Variants in MACROD2 observed in about 807,000 individuals in gnomAD.
MACROD2 encodes ADP-ribose glycohydrolase MACROD2.
A neutral mutation model predicts 70.4 loss-of-function variants in MACROD2; 36 were observed. The ratio of observed to expected loss-of-function variants is 0.51; its 90% CI spans 0.39 to 0.68. MACROD2 has a LOEUF of 0.68. MACROD2 is among the 30% of genes least tolerant of loss of function. The pLI is 0.00. For missense variants in MACROD2, 496 were observed against 538.4 expected, an observed-to-expected ratio of 0.92 and a Z score of 0.78; for synonymous variants, 172 against 178.8, an observed-to-expected ratio of 0.96 and a Z score of 0.30.
intron 5 of MACROD2, among the ~76,000 whole-genome samples, chr20:15,083,908 C>T (rs113477566): frequency 2.3e-4 from 35 of 152,054 alleles, no homozygotes; most frequent in African/African-American, 8.2e-4. Flanking sequence ...ATCTTCCTTT[C>T]CCCTGATGTC....
intron 3 of MACROD2, among the ~76,000 whole-genome samples, chr20:14,120,635 A>G (rs913745656): frequency 2.0e-5 from 3 of 151,622 alleles, no homozygotes; most frequent in East Asian, 3.9e-4. Flanking sequence ...ATGACCATCA[A>G]TGATAGACTA....
intron 4 of MACROD2, among the ~76,000 whole-genome samples, chr20:14,668,540 A>G (rs761597857): frequency 6.6e-6 from 1 of 152,182 alleles, no homozygotes; most frequent in African/African-American, 2.4e-5. Flanking sequence ...GGATCCTCCC[A>G]TAGGTTCCAT....
At chr20:15,204,439 T>TGA (rs2076683890) in intron 5 of MACROD2, among the ~76,000 whole-genome samples, 1 of 152,138 alleles carries the variant, frequency 6.6e-6, no homozygotes, top group African/African-American at 2.4e-5. Context: ...GCATCACTTC[T>TGA]TTTTATTATT....
chr20:14,151,914 C>A (rs542528087), intron 3 of MACROD2, among the ~76,000 whole-genome samples: 1 of 149,860 alleles, frequency 6.7e-6, no homozygotes, highest in Non-Finnish European at 1.5e-5. Flanking sequence ...CTCTGCCCCC[C>A]GGGTTCATGC....
Position 14,835,055 on chromosome 20 carries a change from T to C in MACROD2, c.418+150096T>C, listed in dbSNP as rs948206255. On this transcript the variant is annotated intron_variant, in intron 5 of 17. Transcript: ENST00000684519. The stretch of plus-strand genomic sequence containing the variant: ...TGACTCTCCCCTTTATGTGGTATAG[T>C]AGAACTGAATGGAACATGTTTTTAG... Among the ~76,000 whole-genome samples, 12 of 152,082 alleles carry C rather than the reference T, an allele frequency of 7.9e-5. 1 individual carries two copies. The highest frequency in any genetic ancestry group is 2.9e-4 in the African/African-American group (12 of 41,428).
chr20:15,614,588 A>G (rs1261599814), intron 8 of MACROD2, among the ~76,000 whole-genome samples: 4 of 152,178 alleles, frequency 2.6e-5, no homozygotes, highest in African/African-American at 9.6e-5. Context: ...TCTAAATTTT[A>G]ACGTAAATTG....
intron 3 of MACROD2, among the ~76,000 whole-genome samples, chr20:14,276,463 T>A (rs1399277847): frequency 5.6e-5 from 6 of 107,274 alleles, no homozygotes; most frequent in African/African-American, 2.3e-4. Context: ...AACATCACAC[T>A]CTGGGGACTG....
chr20:14,892,706 C>G lies in MACROD2; in HGVS notation c.418+207747C>G, dbSNP rs1395826306. On this transcript the variant is annotated intron_variant, in intron 5 of 17. Transcript: ENST00000684519. ...TTGCCATTTCCCTTCCCCTTAGCTCCTGGTAACCACAATTCTTTCTGGAGT... is the reference window on the plus strand; with the variant it reads ...TTGCCATTTCCCTTCCCCTTAGCTCGTGGTAACCACAATTCTTTCTGGAGT... The G allele has an allele frequency of 2.0e-5, 3 of 152,214 alleles. No individual in the cohort carries two copies. The East Asian group carries it at 5.8e-4, about 29-fold the overall frequency. The allele number at this position is 152,214 out of a possible 1,614,324, so 9.4% of individuals were successfully genotyped here. A position where few individuals can be genotyped will look rare whatever the true frequency, so the allele number is the denominator to read the frequency against.
At chr20:14,349,080 C>A (rs541984773) in intron 3 of MACROD2, among the ~76,000 whole-genome samples, 1 of 151,838 alleles carries the variant, frequency 6.6e-6, no homozygotes, top group Admixed American at 6.6e-5. Flanking sequence ...AATAAATAAA[C>A]AAACAAATAA....
At chr20:15,964,673 G>C (rs1157208582) in intron 12 of MACROD2, among the ~76,000 whole-genome samples, 1 of 152,120 alleles carries the variant, frequency 6.6e-6, no homozygotes, top group Non-Finnish European at 1.5e-5. Context: ...CAGAAAAGCT[G>C]CACTGCCACT....
intron 5 of MACROD2, among the ~76,000 whole-genome samples, chr20:15,172,575 G>C (rs1247798144): frequency 6.6e-6 from 1 of 151,268 alleles, no homozygotes; most frequent in African/African-American, 2.4e-5. Flanking sequence ...TTTTTCTTTT[G>C]TTTTGTTTTA....
chr20:13,995,928 G>A lies in MACROD2; in HGVS notation c.46+119G>A. 2.5e-6 allele frequency: 3 copies of A among 1,189,364 alleles called. No homozygotes were observed. The highest frequency in any genetic ancestry group is 2.6e-5 in the East Asian group (1 of 39,038). The allele number at this position is 1,189,364 out of a possible 1,614,324, so 73.7% of individuals were successfully genotyped here. Reference sequence around the variant, plus strand: ...GCTCCCGCCTCGCGCCCTCCCGGCCGGTGCCGCCTCCCTCCGGTGTCCGTG... The same window carrying A: ...GCTCCCGCCTCGCGCCCTCCCGGCCAGTGCCGCCTCCCTCCGGTGTCCGTG... On this transcript the variant is annotated intron_variant, in intron 1 of 17. Transcript: ENST00000684519. The surrounding 1 kb of genome is among the most constrained non-coding windows in gnomAD (Gnocchi z 4.3).
At chr20:15,131,929 CAT>C (rs1192635941) in intron 5 of MACROD2, among the ~76,000 whole-genome samples, 1 of 151,760 alleles carries the variant, frequency 6.6e-6, no homozygotes, top group Non-Finnish European at 1.5e-5. Context: ...GAACAATACT[CAT>C]ATATTGAGTT....
intron 3 of MACROD2, among the ~76,000 whole-genome samples, chr20:14,271,805 T>C (rs971745131): frequency 6.6e-6 from 1 of 152,034 alleles, no homozygotes; most frequent in African/African-American, 2.4e-5. Flanking sequence ...TTAAAGGAGC[T>C]GATGGAGCTG....
intron 7 of MACROD2, among the ~76,000 whole-genome samples, chr20:15,490,310 A>G (rs2047216512): frequency 6.8e-6 from 1 of 146,298 alleles, no homozygotes; most frequent in Non-Finnish European, 1.5e-5. Flanking sequence ...CTTTCTTTCA[A>G]CAGGGTTTCA....
intron 5 of MACROD2, among the ~76,000 whole-genome samples, chr20:15,215,900 A>G (rs1197963504): frequency 6.6e-6 from 1 of 152,146 alleles, no homozygotes; most frequent in Non-Finnish European, 1.5e-5. Context: ...GAAATACTCT[A>G]TAATGTACAG....
intron 5 of MACROD2, among the ~76,000 whole-genome samples, chr20:14,988,372 A>AG (rs1473146328): frequency 1.3e-5 from 2 of 150,916 alleles, no homozygotes; most frequent in African/African-American, 4.9e-5. Flanking sequence ...AAAAAAAAAA[A>AG]AAGGCTTTAT....
chr20:14,116,550 T>C (rs1345132106), intron 3 of MACROD2, among the ~76,000 whole-genome samples: 1 of 152,174 alleles, frequency 6.6e-6, no homozygotes, highest in Non-Finnish European at 1.5e-5. Flanking sequence ...AATTTTTTTC[T>C]TTTTATTTAA....
At chr20:15,307,837 C>T (rs981739881) in intron 6 of MACROD2, among the ~76,000 whole-genome samples, 5 of 151,936 alleles carry the variant, frequency 3.3e-5, no homozygotes, top group Admixed American at 3.3e-4. Flanking sequence ...GGAAAAGTTC[C>T]TCACAAAACG....
Sources: allele counts gnomAD v4.1 joint callset (sites outside exome capture counted in the v4.1 genomes callset), GRCh38; gene constraint gnomAD v4.1.1; non-coding constraint Gnocchi (gnomAD v3.1); transcripts MANE v1.5; gene names NCBI Gene and HGNC (gene_info 2026-07-23, HGNC 2026-07-21).